Variants in DOCK5 observed in about 807,000 individuals in gnomAD.
The protein encoded by DOCK5 is dedicator of cytokinesis 5.
In DOCK5, 142 loss-of-function variants were observed where a neutral mutation model predicts 251.8. That is an observed-to-expected ratio of 0.56 (90% CI 0.49 to 0.65). DOCK5 has a LOEUF of 0.65. Ranked by LOEUF, DOCK5 falls within the 30% of genes least tolerant of loss-of-function variation. The probability of loss-of-function intolerance (pLI) is 0.00; values close to 1 mark genes in which losing one functional copy is unlikely to be tolerated. For synonymous variants in DOCK5, 842 were observed against 835.5 expected, an observed-to-expected ratio of 1.01 and a Z score of -0.13; for missense variants, 2,111 against 2,312.3, an observed-to-expected ratio of 0.91 and a Z score of 1.79.
At chr8:25,287,707 T>C (rs1383825510) in intron 5 of DOCK5, among the ~76,000 whole-genome samples, 1 of 152,102 alleles carries the variant, frequency 6.6e-6, no homozygotes, top group Non-Finnish European at 1.5e-5. Flanking sequence ...ACAGAAATTC[T>C]TGGATGATGT....
chr8:25,204,466 C>CA (rs1243411813), intron 1 of DOCK5, among the ~76,000 whole-genome samples: 2 of 152,124 alleles, frequency 1.3e-5, no homozygotes, highest in African/African-American at 4.8e-5. Context: ...TCTAGATTCT[C>CA]AGAGTGTGAT....
At chr8:25,373,558 T>C (rs1800912049) in intron 35 of DOCK5, 60 bp from the exon 36 acceptor site, 20 of 1,491,816 alleles carry the variant, frequency 1.3e-5, no homozygotes, top group Admixed American at 1.0e-4. Context: ...GTTTGTCTAT[T>C]TTTGTGTCAA....
In DOCK5 at chr8:25,345,481, G is replaced by C. The variant is rs1800347261; in HGVS notation, c.2624G>C (p.Arg875Thr). The C allele has an allele frequency of 6.8e-6, 11 of 1,613,688 alleles. No homozygotes were observed. The highest frequency in any genetic ancestry group is 7.6e-6 in the Non-Finnish European group (9 of 1,179,840). ...ESTLFRQSECREVLLPLLTDQ... is the reference protein window; with the variant it reads ...ESTLFRQSECTEVLLPLLTDQ... Reference sequence around the variant, plus strand: ...TCTGTGTTTTCCTTCTCAGAGTGCAGAGAAGTGCTGCTGCCACTGCTGACA... The same window carrying C: ...TCTGTGTTTTCCTTCTCAGAGTGCACAGAAGTGCTGCTGCCACTGCTGACA... Residue 875 changes from arginine to threonine, a missense_variant, in exon 26 of 52, where the codon AGA becomes ACA. Around this residue, in one of 3 missense-constraint regions of DOCK5, gnomAD observed 1,717 missense variants for 1,892.4 expected, o/e 0.91. Transcript: ENST00000276440.
chr8:25,332,525 A>G, intron 19 of DOCK5, 78 bp from the exon 20 acceptor site: 1 of 1,316,140 alleles, frequency 7.6e-7, no homozygotes, highest in Non-Finnish European at 1.0e-6. Context: ...TTTGATTTAA[A>G]CTAGTTGTAC....
intron 2 of DOCK5, among the ~76,000 whole-genome samples, chr8:25,253,209 A>G (rs1803320500): frequency 6.6e-6 from 1 of 152,234 alleles, no homozygotes. Context: ...CCTGAGTGGT[A>G]CCTTCATTCA....
chr8:25,298,601 T>A (rs910258381), intron 7 of DOCK5, among the ~76,000 whole-genome samples: 1 of 152,232 alleles, frequency 6.6e-6, no homozygotes. Context: ...TATTTATTGA[T>A]TAATCAACTG....
chr8:25,235,197 T>G (rs533940075), intron 1 of DOCK5, among the ~76,000 whole-genome samples: 103 of 152,300 alleles, frequency 6.8e-4, no homozygotes, highest in Non-Finnish European at 1.3e-3. Context: ...CTCCTATGAT[T>G]ATACACCATA....
intron 43 of DOCK5, among the ~76,000 whole-genome samples, chr8:25,392,460 G>A (rs933909315): frequency 2.6e-5 from 4 of 152,166 alleles, no homozygotes; most frequent in African/African-American, 4.8e-5. Flanking sequence ...ACAGCCAGCT[G>A]TCATCTCCAT....
At chr8:25,405,734 G>C (rs1025596037) in intron 48 of DOCK5, among the ~76,000 whole-genome samples, 2 of 152,076 alleles carry the variant, frequency 1.3e-5, no homozygotes, top group Non-Finnish European at 2.9e-5. Flanking sequence ...TGATGCTGAG[G>C]CTTCCTTGCC....
At chr8:25,199,556 G>T (rs1338661463) in intron 1 of DOCK5, among the ~76,000 whole-genome samples, 1 of 152,186 alleles carries the variant, frequency 6.6e-6, no homozygotes, top group East Asian at 1.9e-4. Context: ...GCTAATTTTT[G>T]TATTTTAGTA....
intron 30 of DOCK5, 138 bp downstream of exon 30, chr8:25,364,842 C>T (rs754483489): frequency 1.1e-5 from 7 of 624,160 alleles, no homozygotes; most frequent in Admixed American, 2.9e-5. Context: ...TTTCCTAAAG[C>T]ACATATGCCT....
intron 12 of DOCK5, among the ~76,000 whole-genome samples, chr8:25,309,416 T>C (rs2117180388): frequency 6.6e-6 from 1 of 152,224 alleles, no homozygotes; most frequent in South Asian, 2.1e-4. Flanking sequence ...CTTCTGGCCT[T>C]AAGTGATCCT....
At chr8:25,331,423 A>G (rs1805679997) in intron 18 of DOCK5, among the ~76,000 whole-genome samples, 1 of 152,114 alleles carries the variant, frequency 6.6e-6, no homozygotes, top group African/African-American at 2.4e-5. Flanking sequence ...GACATTTTTA[A>G]TAGCTCAACA....
rs562947165 is a variant in DOCK5, at chr8:25,413,772, C to T, written c.*2474C>T. On this transcript the variant is annotated 3_prime_UTR_variant, in exon 52 of 52. Coordinates refer to ENST00000276440, the MANE Select transcript of DOCK5 (RefSeq NM_024940.8). ...CTTTCCACCTTAATGGAAATAATAGCTCTCTCCTGCCTGAACAAAAGGGAT... is the reference window on the plus strand; with the variant it reads ...CTTTCCACCTTAATGGAAATAATAGTTCTCTCCTGCCTGAACAAAAGGGAT... 2.0e-5 allele frequency: 3 copies of T among 152,180 alleles called. No individual in the cohort carries two copies. Among genetic ancestry groups the T allele is most frequent in the Non-Finnish European group, 4.4e-5 (3 of 68,040 alleles). 9.4% of individuals were successfully genotyped at this position (152,180 alleles called of 1,614,324 possible). A position where few individuals can be genotyped will look rare whatever the true frequency, so the allele number is the denominator to read the frequency against.
In DOCK5 at chr8:25,415,077, C is replaced by A. The variant is rs1015127786; in HGVS notation, c.*3779C>A. The A allele has an allele frequency of 6.6e-6, 1 of 152,040 alleles. No homozygotes were observed. The highest frequency in any genetic ancestry group is 1.5e-5 in the Non-Finnish European group (1 of 67,996). 9.4% of individuals were successfully genotyped at this position (152,040 alleles called of 1,614,324 possible). A position where few individuals can be genotyped will look rare whatever the true frequency, so the allele number is the denominator to read the frequency against. On this transcript the variant is annotated 3_prime_UTR_variant, in exon 52 of 52. Transcript: ENST00000276440. ...GGACTATACTTGTCCCATTTATCAT[C>A]CCAGGTGGTGCTTTGACCCTGCCAT...
At chr8:25,377,459 AG>A (rs1476689831) in intron 38 of DOCK5, 35 bp downstream of exon 38, 2 of 1,604,414 alleles carry the variant, frequency 1.2e-6, no homozygotes, top group African/African-American at 2.7e-5. Context: ...TAGGGGAAAG[AG>A]GAAAATGACC....
chr8:25,304,477 A>G, intron 11 of DOCK5, 150 bp downstream of exon 11: 2 of 627,856 alleles, frequency 3.2e-6, no homozygotes, highest in Middle Eastern at 2.6e-4. Flanking sequence ...TGAACAGAAG[A>G]CTTTATTCAA....
intron 2 of DOCK5, among the ~76,000 whole-genome samples, chr8:25,259,600 C>G (rs562743509): frequency 6.6e-6 from 1 of 152,214 alleles, no homozygotes; most frequent in Non-Finnish European, 1.5e-5. Flanking sequence ...GGACTACAGG[C>G]ATACATCATC....
chr8:25,243,812 A>G, intron 2 of DOCK5, 55 bp downstream of exon 2: 1 of 1,542,692 alleles, frequency 6.5e-7, no homozygotes, highest in Non-Finnish European at 8.9e-7. Flanking sequence ...AGTGTAAGTT[A>G]CTTATTAAAA....
Sources: allele counts gnomAD v4.1 joint callset (sites outside exome capture counted in the v4.1 genomes callset), GRCh38; gene constraint gnomAD v4.1.1; regional missense constraint gnomAD v4.1.1; transcripts MANE v1.5; gene names NCBI Gene and HGNC (gene_info 2026-07-23, HGNC 2026-07-21).